Variants in BCOR observed in about 807,000 individuals in gnomAD.
The protein encoded by BCOR is BCL6 corepressor.
BCOR carries 10 observed loss-of-function variants against 86.7 expected under a neutral mutation model. The ratio of observed to expected loss-of-function variants is 0.12; its 90% confidence interval spans 0.07 to 0.20. The LOEUF is 0.20. BCOR is among the 10% of genes least tolerant of loss of function. BCOR has a pLI of 1.00. For missense variants in BCOR, 1,259 were observed against 1,452.1 expected (o/e 0.87, Z 2.16); for synonymous variants, 611 against 609.0 (o/e 1.00, Z -0.05).
chrX:40,097,710 C>T lies in BCOR; in HGVS notation c.-536G>A, dbSNP rs1238499421. On this transcript the variant is annotated 5_prime_UTR_variant, in exon 1 of 15. Transcript: ENST00000378444. ...ATGTTGACGGTTCGCCGCGAGCGCC[C>T]GCTCGGGCTGGGTGTGTGTGAGTGT... Among the ~76,000 whole-genome samples the T allele has an allele frequency of 9.0e-6, 1 of 110,950 alleles. No individual in the cohort carries two copies. Among genetic ancestry groups the T allele is most frequent in the African/African-American group, 3.3e-5 (1 of 30,639 alleles).
upstream of BCOR, among the ~76,000 whole-genome samples, chrX:40,102,785 G>A (rs778304648): frequency 2.6e-5 from 3 of 113,516 alleles, no homozygotes; most frequent in Non-Finnish European, 5.6e-5. Context: ...CCTGCAGCAG[G>A]AAGGTGGGTA....
At chrX:40,152,918 G>A (rs1264581228) in intron 1 of BCOR, among the ~76,000 whole-genome samples, 3 of 113,166 alleles carry the variant, frequency 2.7e-5, no homozygotes, top group East Asian at 2.8e-4. Flanking sequence ...GAGGAGACAG[G>A]GAGACTTCCG....
At chrX:40,054,457 C>T (rs1322534385) in intron 12 of BCOR, 124 bp from the exon 13 acceptor site, 1 of 540,809 alleles carries the variant, frequency 1.8e-6, no homozygotes, top group Non-Finnish European at 3.2e-6. Context: ...TCCTGTCTTC[C>T]TCTTTCTCAG....
At chrX:40,131,454 C>T (rs764164352) in intron 1 of BCOR, among the ~76,000 whole-genome samples, 7 of 112,035 alleles carry the variant, frequency 6.2e-5, no homozygotes, top group Non-Finnish European at 1.1e-4. Context: ...GTCGGGGGTT[C>T]GAGACCAGCA....
chrX:40,172,812 C>T (rs1005037333), intron 1 of BCOR, among the ~76,000 whole-genome samples: 2 of 112,807 alleles, frequency 1.8e-5, no homozygotes, highest in African/African-American at 3.2e-5. Flanking sequence ...GAACTAGCCG[C>T]CCCCGCAGGC....
At chrX:40,077,999 G>A in intron 1 of BCOR, 30 bp from the exon 2 acceptor site, 1 of 967,446 alleles carries the variant, frequency 1.0e-6, no homozygotes, top group Non-Finnish European at 1.5e-6. Flanking sequence ...AAAATCCCAG[G>A]AGGTTCAGTA....
At chrX:40,106,875 C>A (rs1246901693) in intron 1 of BCOR, among the ~76,000 whole-genome samples, 1 of 110,672 alleles carries the variant, frequency 9.0e-6, no homozygotes, top group Non-Finnish European at 1.9e-5. Flanking sequence ...CCCTCCCCAA[C>A]ACAGAGCCGC....
intron 1 of BCOR, among the ~76,000 whole-genome samples, chrX:40,115,426 C>T (rs1354032351): frequency 9.0e-6 from 1 of 110,754 alleles, no homozygotes; most frequent in Non-Finnish European, 1.9e-5. Context: ...CCATGGGAAC[C>T]TAAGAATTGA....
At chrX:40,153,095 A>C (rs1468523531) in intron 1 of BCOR, among the ~76,000 whole-genome samples, 1 of 113,303 alleles carries the variant, frequency 8.8e-6, no homozygotes, top group East Asian at 2.8e-4. Flanking sequence ...TGCCCTGCCC[A>C]GGACCGCGGA....
At chrX:40,116,910 G>A (rs772060673) in intron 1 of BCOR, among the ~76,000 whole-genome samples, 3 of 112,317 alleles carry the variant, frequency 2.7e-5, no homozygotes, top group Non-Finnish European at 5.6e-5. Context: ...TCCACAGACA[G>A]AAGGTGGTCA....
intron 1 of BCOR, among the ~76,000 whole-genome samples, chrX:40,155,862 C>T (rs1454700444): frequency 8.9e-6 from 1 of 112,582 alleles, no homozygotes; most frequent in Non-Finnish European, 1.9e-5. Context: ...GGAGGGGGGG[C>T]GCGCGGAGCA....
At chrX:40,135,261 A>G (rs1669551891) in intron 1 of BCOR, among the ~76,000 whole-genome samples, 1 of 111,628 alleles carries the variant, frequency 9.0e-6, no homozygotes, top group Non-Finnish European at 1.9e-5. Context: ...AGACATGCTT[A>G]GAGGTAAGCA....
chrX:40,158,564 T>TAA (rs1378495297), intron 1 of BCOR, among the ~76,000 whole-genome samples: 1 of 112,533 alleles, frequency 8.9e-6, no homozygotes, highest in African/African-American at 3.2e-5. Context: ...GAGCGGATTT[T>TAA]AATCCTGAGA....
chrX:40,055,629 G>T, intron 11 of BCOR, 116 bp from the exon 12 acceptor site: 3 of 818,423 alleles, frequency 3.7e-6, no homozygotes, highest in Non-Finnish European at 5.3e-6. Flanking sequence ...TGGGTACTGA[G>T]CCTCCTAAGC....
chrX:40,115,504 G>A (rs1425209208), intron 1 of BCOR, among the ~76,000 whole-genome samples: 1 of 110,614 alleles, frequency 9.0e-6, no homozygotes, highest in Non-Finnish European at 1.9e-5. Context: ...GCCTGGGCTC[G>A]GTGGCTCACG....
At chrX:40,059,467 T>C (rs1263659270) in intron 10 of BCOR, among the ~76,000 whole-genome samples, 3 of 112,587 alleles carry the variant, frequency 2.7e-5, no homozygotes, top group African/African-American at 9.7e-5. Context: ...AATCCAGCCA[T>C]GACCGGCATC....
At chrX:40,135,283 T>C (rs1937655305) in intron 1 of BCOR, among the ~76,000 whole-genome samples, 1 of 111,553 alleles carries the variant, frequency 9.0e-6, no homozygotes, top group Non-Finnish European at 1.9e-5. Context: ...GGAAACTTGC[T>C]CGGTCTGGGG....
At chrX:40,078,283 G>A (rs1935910805) in intron 1 of BCOR, among the ~76,000 whole-genome samples, 1 of 112,652 alleles carries the variant, frequency 8.9e-6, no homozygotes, top group African/African-American at 3.2e-5. Context: ...TCCTCTGAAA[G>A]TGTACAGTGG....
intron 9 of BCOR, 22 bp downstream of exon 9, chrX:40,062,724 G>A (rs1210094367): frequency 8.4e-7 from 1 of 1,195,179 alleles, no homozygotes; most frequent in Admixed American, 2.2e-5. Context: ...GGCCCCAGAG[G>A]GAAGCCGGGG....
Sources: allele counts gnomAD v4.1 joint callset (sites outside exome capture counted in the v4.1 genomes callset), GRCh38; gene constraint gnomAD v4.1.1; transcripts MANE v1.5; gene names NCBI Gene and HGNC (gene_info 2026-07-23, HGNC 2026-07-21).